TEX29: variants seen among roughly 807,000 people sequenced by gnomAD.
TEX29 encodes the protein testis-expressed protein 29.
Under a neutral mutation model 18.2 loss-of-function variants are expected in TEX29, and 26 were observed. The ratio of observed to expected loss-of-function variants is 1.43; its 90% CI spans 1.04 to 1.98. TEX29 has a LOEUF of 1.98. TEX29 is among the 30% of genes most tolerant of loss of function. TEX29 has a pLI of 0.00. For synonymous variants in TEX29, 83 were observed against 78.5 expected (o/e 1.06, Z -0.31); for missense variants, 177 against 194.2 (o/e 0.91, Z 0.53).
At chr13:111,331,087 A>G (rs2093682022) in intron 3 of TEX29, among the ~76,000 whole-genome samples, 1 of 152,206 alleles carries the variant, frequency 6.6e-6, no homozygotes. Context: ...GCTGGATCAT[A>G]TGTTAACTCT....
chr13:111,341,691 G>C (rs1203580635), intron 4 of TEX29, among the ~76,000 whole-genome samples: 116 of 113,458 alleles, frequency 1.0e-3, no homozygotes, highest in African/African-American at 3.8e-3. Context: ...ATCATAACCC[G>C]TGTTTAGTGA....
chr13:111,320,969 GGGGGCGGGT>G, intron 2 of TEX29, 21 bp downstream of exon 2: 1 of 1,541,830 alleles, frequency 6.5e-7, no homozygotes, highest in African/African-American at 1.4e-5. Context: ...AAGGCGCCAG[GGGGGCGGGT>G]GGGGTGGGGG....
At chr13:111,328,142 G>T in intron 2 of TEX29, 41 bp from the exon 3 acceptor site, 12 of 1,383,406 alleles carry the variant, frequency 8.7e-6, no homozygotes, top group Admixed American at 1.7e-5. Flanking sequence ...GAGTGGCTTT[G>T]TTTTCGGGGG....
intron 3 of TEX29, among the ~76,000 whole-genome samples, chr13:111,336,825 G>A (rs182828225): frequency 5.9e-5 from 9 of 152,304 alleles, no homozygotes; most frequent in South Asian, 2.1e-4. Context: ...GACACTGTAC[G>A]GAGCGCATCA....
At chr13:111,333,776 T>C (rs1175853216) in intron 3 of TEX29, among the ~76,000 whole-genome samples, 2 of 150,234 alleles carry the variant, frequency 1.3e-5, no homozygotes, top group African/African-American at 5.0e-5. Flanking sequence ...GCAGCAAGGT[T>C]GTGGGAAGGG....
intron 3 of TEX29, among the ~76,000 whole-genome samples, chr13:111,329,836 T>G (rs915473544): frequency 6.6e-6 from 1 of 152,270 alleles, no homozygotes; most frequent in East Asian, 1.9e-4. Flanking sequence ...GTCATCATCT[T>G]GATGGCTGGT....
At chr13:111,339,062 A>G (rs1166624851) in intron 3 of TEX29, among the ~76,000 whole-genome samples, 1 of 152,140 alleles carries the variant, frequency 6.6e-6, no homozygotes, top group Non-Finnish European at 1.5e-5. Context: ...GAGGGGGCTG[A>G]GCAGTTCCTC....
At position 111,321,034 on chromosome 13, in the gene TEX29, G is replaced by A. The variant is rs969925134; in HGVS notation, c.58+86G>A. The A allele has an allele frequency of 2.6e-5, 38 of 1,443,470 alleles. 2 individuals carry two copies. In the South Asian group the frequency reaches 2.9e-4, roughly 11 times the overall value. 89.4% of individuals were successfully genotyped at this position (1,443,470 alleles called of 1,614,324 possible). A position where few individuals can be genotyped will look rare whatever the true frequency, so the allele number is the denominator to read the frequency against. ...GGGAGGAGCTGTTTGAGCCCCTGGC[G>A]CGGACAGGGGGTCCTGGTCCCAGAC... On this transcript the variant is annotated intron_variant, in intron 2 of 5. Transcript: ENST00000283547.
At chr13:111,324,926 G>A (rs2093670363) in intron 2 of TEX29, among the ~76,000 whole-genome samples, 1 of 152,210 alleles carries the variant, frequency 6.6e-6, no homozygotes, top group South Asian at 2.1e-4. Flanking sequence ...AGCCTCAGGA[G>A]GTGGCTGGCG....
chr13:111,327,979 A>T (rs2093676777), intron 2 of TEX29, among the ~76,000 whole-genome samples: 1 of 152,252 alleles, frequency 6.6e-6, no homozygotes, highest in African/African-American at 2.4e-5. Flanking sequence ...CTGTGTAATT[A>T]ACTTGACATT....
upstream of TEX29, among the ~76,000 whole-genome samples, chr13:111,317,165 C>T (rs2093655931): frequency 6.6e-6 from 1 of 151,956 alleles, no homozygotes. Flanking sequence ...TGGCTGGCAT[C>T]TAGTAGCTGG....
chr13:111,328,285 C>G lies in TEX29; in HGVS notation c.161C>G (p.Ala54Gly). The change falls in exon 3 of 6, where the codon GCG becomes GGG. Residue 54 changes from alanine (A) to glycine (G), a missense_variant. Ala to Gly is a moderately conservative substitution (Grantham distance 60). Transcript: ENST00000283547. ...CFYEGVCYKKAVPIYIHVFSA... is the reference protein window; with the variant it reads ...CFYEGVCYKKGVPIYIHVFSA... ...TACGAAGGCGTCTGCTACAAGAAAG[C>G]GGTTCCCAGTGAGTAGACGCCCCGG... The G allele has an allele frequency of 6.2e-7, 1 of 1,613,038 alleles. No individual in the cohort carries two copies. The highest frequency in any genetic ancestry group is 8.5e-7 in the Non-Finnish European group (1 of 1,179,590).
At chr13:111,320,995 T>TGGGGGGGGGGCCTCCCTGTGG in intron 2 of TEX29, 47 bp downstream of exon 2, 1 of 320,864 alleles carries the variant, frequency 3.1e-6, no homozygotes, top group East Asian at 7.5e-5. Context: ...GGGGAGCAGT[T>TGGGGGGGGGGCCTCCCTGTGG]GGGGGGGGGC....
In TEX29 at chr13:111,342,251, T is replaced by C. The variant is rs557745329; in HGVS notation, c.240-505T>C. On this transcript the variant is annotated intron_variant, in intron 4 of 5. Coordinates refer to ENST00000283547, the MANE Select transcript of TEX29 (RefSeq NM_152324.3). Reference sequence around the variant, plus strand: ...AATGAGTAAAGCCATTTTCCTACCATGAGTGGTGCTGTATGCTGTCTTATG... The same window carrying C: ...AATGAGTAAAGCCATTTTCCTACCACGAGTGGTGCTGTATGCTGTCTTATG... Among the ~76,000 whole-genome samples, 13 of 152,308 alleles carry C rather than the reference T, an allele frequency of 8.5e-5. No homozygotes were observed. The South Asian group carries it at 2.5e-3, about 29-fold the overall frequency.
intron 3 of TEX29, among the ~76,000 whole-genome samples, chr13:111,337,289 A>G (rs1467621004): frequency 1.3e-5 from 2 of 152,106 alleles, no homozygotes; most frequent in African/African-American, 4.8e-5. Flanking sequence ...CTGTCTCATG[A>G]GATTGTGGTC....
intron 3 of TEX29, among the ~76,000 whole-genome samples, chr13:111,329,198 C>A (rs1469992059): frequency 1.3e-5 from 2 of 152,106 alleles, no homozygotes; most frequent in Non-Finnish European, 2.9e-5. Flanking sequence ...TGGACAGCAG[C>A]ACGGAGGGGA....
chr13:111,329,092 T>C (rs961891108), intron 3 of TEX29, among the ~76,000 whole-genome samples: 1 of 152,202 alleles, frequency 6.6e-6, no homozygotes, highest in Non-Finnish European at 1.5e-5. Flanking sequence ...CAAACCCTCA[T>C]CAAGGTCCAC....
intron 2 of TEX29, among the ~76,000 whole-genome samples, chr13:111,327,106 G>A (rs2093675300): frequency 1.3e-5 from 2 of 152,320 alleles, no homozygotes; most frequent in East Asian, 1.9e-4. Flanking sequence ...ATCACACACA[G>A]CCACCCCATG....
chr13:111,317,281 A>G (rs1005845447), upstream of TEX29, among the ~76,000 whole-genome samples: 25 of 152,106 alleles, frequency 1.6e-4, no homozygotes, highest in Admixed American at 1.2e-3. Flanking sequence ...CGTAGGGGTG[A>G]GGGTCTGCCT....
Sources: gnomAD v4.1 joint callset for allele counts (sites outside exome capture counted in the v4.1 genomes callset) on GRCh38, gnomAD v4.1.1 for gene constraint, MANE v1.5 for transcripts, NCBI Gene and HGNC (gene_info 2026-07-23, HGNC 2026-07-21) for gene names.